The following FSHR variants were observed in gnomAD, a reference collection of about 807,000 sequenced individuals.
FSHR encodes the protein follicle stimulating hormone receptor, also known as follicle-stimulating hormone receptor.
A neutral mutation model predicts 52.1 loss-of-function variants in FSHR; 46 were observed. That is an observed-to-expected ratio of 0.88 (90% CI 0.70 to 1.13). FSHR has a LOEUF of 1.13. FSHR is among the 50% of genes most tolerant of loss of function. The probability of loss-of-function intolerance (pLI) is 0.00; values close to 1 mark genes in which losing one functional copy is unlikely to be tolerated. For synonymous variants in FSHR, 399 were observed against 309.6 expected, an observed-to-expected ratio of 1.29 and a Z score of -3.03; for missense variants, 964 against 834.6, an observed-to-expected ratio of 1.16 and a Z score of -1.91.
In FSHR at chr2:49,022,708, C is replaced by T. The variant is rs72877809; in HGVS notation, c.225-2548G>A. On this transcript the variant is annotated intron_variant, in intron 2 of 9. Coordinates refer to ENST00000406846, the MANE Select transcript of FSHR (RefSeq NM_000145.4). ...CCTGCCTCCCGTGCCATATTGAGCA[C>T]CCCTCTGGGCCTTGGATTCTTTGTT... 3.7e-3 allele frequency among the ~76,000 whole-genome samples: 562 copies of T among 152,186 alleles called. 4 individuals are homozygous for T. Among genetic ancestry groups the T allele is most frequent in the African/African-American group, 0.013 (549 of 41,514 alleles).
chr2:48,977,095 A>T (rs1029752963), intron 8 of FSHR, among the ~76,000 whole-genome samples: 2 of 150,708 alleles, frequency 1.3e-5, no homozygotes, highest in Non-Finnish European at 2.9e-5. Flanking sequence ...AGAACTTAAA[A>T]TATAATAATA....
intron 8 of FSHR, among the ~76,000 whole-genome samples, chr2:48,975,269 C>G (rs1272790233): frequency 6.6e-6 from 1 of 152,086 alleles, no homozygotes; most frequent in Non-Finnish European, 1.5e-5. Flanking sequence ...GGCTTTTGGA[C>G]TCAGGGATTT....
chr2:49,099,839 T>C (rs922354141), intron 1 of FSHR, among the ~76,000 whole-genome samples: 1 of 152,156 alleles, frequency 6.6e-6, no homozygotes, highest in Non-Finnish European at 1.5e-5. Context: ...ACCCTAAGTT[T>C]AGCGTTCTAA....
At chr2:49,088,843 CAA>C (rs35876884) in intron 1 of FSHR, among the ~76,000 whole-genome samples, 43,416 of 151,828 alleles carry the variant, frequency 0.29, 6,505 homozygotes, top group East Asian at 0.47. Context: ...CTCCATGAAC[CAA>C]AAAGATAAAT....
At chr2:49,137,162 C>T (rs752945170) in intron 1 of FSHR, among the ~76,000 whole-genome samples, 2 of 152,010 alleles carry the variant, frequency 1.3e-5, no homozygotes, top group Non-Finnish European at 2.9e-5. Flanking sequence ...CAGCAAGTCT[C>T]CAGAATACAA....
chr2:49,100,673 A>C (rs1341502447), intron 1 of FSHR, among the ~76,000 whole-genome samples: 1 of 152,210 alleles, frequency 6.6e-6, no homozygotes, highest in Non-Finnish European at 1.5e-5. Flanking sequence ...CAGATCCCTG[A>C]TCAGATCCTT....
intron 3 of FSHR, 40 bp downstream of exon 3, chr2:49,020,046 A>G (rs369073966): frequency 5.8e-6 from 9 of 1,560,872 alleles, no homozygotes; most frequent in Non-Finnish European, 8.0e-6. Context: ...GGGTTTTTTC[A>G]AGAATGGCCA....
chr2:49,126,324 A>AC (rs1671995131), intron 1 of FSHR, among the ~76,000 whole-genome samples: 1 of 13,374 alleles, frequency 7.5e-5, no homozygotes, highest in Non-Finnish European at 1.1e-4. Context: ...CAAAAGGAAG[A>AC]GGGGGGGAGA....
chr2:49,072,002 T>C (rs1180574422), intron 1 of FSHR, among the ~76,000 whole-genome samples: 1 of 151,998 alleles, frequency 6.6e-6, no homozygotes, highest in Non-Finnish European at 1.5e-5. Context: ...AGGAAGGAAA[T>C]ATAAGTGGGT....
chr2:48,968,035 A>T (rs888747591), intron 9 of FSHR, among the ~76,000 whole-genome samples: 1 of 152,194 alleles, frequency 6.6e-6, no homozygotes, highest in Non-Finnish European at 1.5e-5. Flanking sequence ...CTCCAAGGCG[A>T]CTTTCTCTTT....
In FSHR at chr2:48,963,485, C is replaced by T. The variant is rs371482817; in HGVS notation, c.1336G>A (p.Gly446Ser). 1.2e-5 allele frequency: 19 copies of T among 1,614,142 alleles called. No individual in the cohort carries two copies. The highest frequency in any genetic ancestry group is 1.6e-5 in the Non-Finnish European group (19 of 1,180,010). The change falls in exon 10 of 10, where the codon GGC becomes AGC. Residue 446 changes from glycine (G) to serine (S), a missense_variant. Physicochemically the swap from Gly to Ser is moderately conservative, Grantham distance 56 (BLOSUM62 0). Transcript: ENST00000406846. ...TCACTGGCAAAGACAGTGAAAAAGC[C>T]AGCAGCATCACAGCCTGCCCCAGTT... ...WQTGAGCDAAGFFTVFASELS... is the reference protein window; with the variant it reads ...WQTGAGCDAASFFTVFASELS...
intron 1 of FSHR, among the ~76,000 whole-genome samples, chr2:49,085,915 G>A (rs1323803422): frequency 6.7e-6 from 1 of 148,790 alleles, no homozygotes; most frequent in Non-Finnish European, 1.5e-5. Context: ...ATTGAACAAT[G>A]AGAACACATG....
chr2:49,087,343 G>A (rs1208656741), intron 1 of FSHR, among the ~76,000 whole-genome samples: 5 of 152,004 alleles, frequency 3.3e-5, no homozygotes, highest in African/African-American at 1.2e-4. Flanking sequence ...TTGGATGGAA[G>A]GGAAACAAGA....
At chr2:49,126,797 G>C (rs1672014336) in intron 1 of FSHR, among the ~76,000 whole-genome samples, 1 of 152,140 alleles carries the variant, frequency 6.6e-6, no homozygotes, top group Non-Finnish European at 1.5e-5. Flanking sequence ...TTCTAATCTT[G>C]GGCTCACTCC....
At chr2:49,117,619 G>A (rs1432139187) in intron 1 of FSHR, among the ~76,000 whole-genome samples, 1 of 152,000 alleles carries the variant, frequency 6.6e-6, no homozygotes, top group Admixed American at 6.5e-5. Flanking sequence ...AGCTGAAGGA[G>A]AATAAAAAAG....
At chr2:49,105,205 C>A (rs1221723033) in intron 1 of FSHR, among the ~76,000 whole-genome samples, 1 of 152,084 alleles carries the variant, frequency 6.6e-6, no homozygotes, top group African/African-American at 2.4e-5. Context: ...TAGGAACAGC[C>A]TTGAAAAGTG....
intron 1 of FSHR, among the ~76,000 whole-genome samples, chr2:49,087,073 T>TTTTTTG (rs1346978237): frequency 2.9e-4 from 40 of 137,444 alleles, no homozygotes; most frequent in African/African-American, 1.1e-3. Context: ...GGGCAGGGTT[T>TTTTTTG]TTTTTTTTTT....
chr2:49,058,829 C>G (rs1669170740), intron 2 of FSHR, among the ~76,000 whole-genome samples: 1 of 152,162 alleles, frequency 6.6e-6, no homozygotes, highest in Admixed American at 6.5e-5. Context: ...AAAAACATCC[C>G]AAGCTCATGG....
At chr2:48,991,821 A>G (rs1573059388) in intron 4 of FSHR, among the ~76,000 whole-genome samples, 1 of 152,308 alleles carries the variant, frequency 6.6e-6, no homozygotes, top group Non-Finnish European at 1.5e-5. Context: ...CCTTTTCTGT[A>G]TGTGACTTAC....
Sources: gnomAD v4.1 joint callset for allele counts (sites outside exome capture counted in the v4.1 genomes callset) on GRCh38, gnomAD v4.1.1 for gene constraint, MANE v1.5 for transcripts, NCBI Gene and HGNC (gene_info 2026-07-23, HGNC 2026-07-21) for gene names.